ERICH6: variants seen among roughly 807,000 people sequenced by gnomAD.
ERICH6 encodes the protein glutamate-rich protein 6.
In ERICH6, 71 loss-of-function variants were observed where a neutral mutation model predicts 71.0. The ratio of observed to expected loss-of-function variants is 1.00; its 90% CI spans 0.83 to 1.22. ERICH6 has a LOEUF of 1.22. Among genes scored for constraint, ERICH6 ranks in the 50% most tolerant of loss-of-function variants. The pLI, the probability that ERICH6 is intolerant of heterozygous loss-of-function variation, is 0.00. For synonymous variants in ERICH6, 262 were observed against 278.4 expected (o/e 0.94, Z 0.59); for missense variants, 808 against 797.2 (o/e 1.01, Z -0.16).
Position 150,659,896 on chromosome 3 carries a change from A to G in ERICH6, c.1988T>C (p.Ile663Thr). Reference sequence around the variant, plus strand: ...TGAAAGCACCATCATTCTTAGTTAAATTTCTTCATTTATTATATTTCTTAT... The same window carrying G: ...TGAAAGCACCATCATTCTTAGTTAAGTTTCTTCATTTATTATATTTCTTAT... ...KTIRNIINEE[I>T] Residue 663 changes from isoleucine to threonine, a missense_variant, in exon 14 of 14, where the codon ATT becomes ACT. Physicochemically the swap from Ile to Thr is moderately conservative, Grantham distance 89. Transcript: ENST00000295910. The G allele has an allele frequency of 6.3e-7, 1 of 1,595,142 alleles. No homozygotes were observed. The highest frequency in any genetic ancestry group is 1.1e-5 in the South Asian group (1 of 87,568).
At chr3:150,698,555 A>C (rs1354296639) in intron 3 of ERICH6, among the ~76,000 whole-genome samples, 1 of 152,218 alleles carries the variant, frequency 6.6e-6, no homozygotes, top group Admixed American at 6.5e-5. Context: ...CCATTTATTG[A>C]ATACTGAAAA....
intron 3 of ERICH6, among the ~76,000 whole-genome samples, chr3:150,691,399 A>G (rs973390391): frequency 2.0e-4 from 31 of 152,206 alleles, no homozygotes; most frequent in African/African-American, 7.0e-4. Context: ...TCATGTATTA[A>G]ACGAGGTAAA....
chr3:150,692,918 C>A lies in ERICH6; in HGVS notation c.553+5873G>T, dbSNP rs551624000. Among the ~76,000 whole-genome samples, 360 of 152,154 alleles carry A rather than the reference C, an allele frequency of 2.4e-3. 2 individuals are homozygous for A. The highest frequency in any genetic ancestry group is 0.014 in the Middle Eastern group (4 of 292). ...CTATGACATCAGAATAGAGGAAAAG[C>A]TTTCAGGACTCATGGAGAGCTGAAA... On this transcript the variant is annotated intron_variant, in intron 3 of 13. Coordinates refer to ENST00000295910, the MANE Select transcript of ERICH6 (RefSeq NM_152394.5).
At chr3:150,669,226 T>C in intron 12 of ERICH6, 70 bp downstream of exon 12, 1 of 1,479,548 alleles carries the variant, frequency 6.8e-7, no homozygotes, top group East Asian at 2.4e-5. Context: ...TCTTATCATT[T>C]AAAAAGAAAA....
intron 3 of ERICH6, among the ~76,000 whole-genome samples, chr3:150,694,658 C>A (rs1295824282): frequency 6.6e-6 from 1 of 152,176 alleles, no homozygotes; most frequent in Non-Finnish European, 1.5e-5. Flanking sequence ...TGGAGGAAGG[C>A]AAAGACCATT....
Position 150,676,538 on chromosome 3 carries a change from T to A in ERICH6, c.1257+1871A>T, listed in dbSNP as rs1039542810. 4.6e-5 allele frequency among the ~76,000 whole-genome samples: 7 copies of A among 152,296 alleles called. No homozygotes were observed. In the East Asian group the frequency reaches 1.2e-3, roughly 25 times the overall value. ...CTGGTAACTGAACTTGAAAAATAAT[T>A]TGTAGGTGTGATTTGAAGGTGGAAT... On this transcript the variant is annotated intron_variant, in intron 10 of 13. Coordinates refer to ENST00000295910, the MANE Select transcript of ERICH6 (RefSeq NM_152394.5).
chr3:150,703,397 C>G (rs1713013470), intron 1 of ERICH6, 99 bp downstream of exon 1: 1 of 1,445,298 alleles, frequency 6.9e-7, no homozygotes, highest in Non-Finnish European at 9.1e-7. Flanking sequence ...AAATCAGGCA[C>G]GACGCGCAGG....
intron 6 of ERICH6, among the ~76,000 whole-genome samples, chr3:150,684,474 T>G (rs111799058): frequency 1.7e-3 from 257 of 152,312 alleles, no homozygotes; most frequent in African/African-American, 5.9e-3. Flanking sequence ...TTGCCTTGCA[T>G]GATTCGTGCC....
intron 3 of ERICH6, among the ~76,000 whole-genome samples, chr3:150,688,437 A>G (rs1712286274): frequency 6.6e-6 from 1 of 152,234 alleles, no homozygotes; most frequent in East Asian, 1.9e-4. Flanking sequence ...AATTAGGTCA[A>G]TCATTCCTGA....
chr3:150,660,083 T>C lies in ERICH6; in HGVS notation c.1801A>G (p.Ile601Val), dbSNP rs767414222. 6.2e-7 allele frequency: 1 copy of C among 1,614,088 alleles called. No homozygotes were observed. The highest frequency in any genetic ancestry group is 8.5e-7 in the Non-Finnish European group (1 of 1,180,010). Reference protein sequence around the residue: ...GDDLLLLASLIKIRRLFHKLE... With the variant: ...GDDLLLLASLVKIRRLFHKLE... ...TTATGAAACAGGCGACGGATCTTTA[T>C]TAAACTGGCCAGCAGAAGAAGGTCA... Residue 601 changes from isoleucine to valine, a missense_variant, in exon 14 of 14, where the codon ATA becomes GTA. Physicochemically the swap from Ile to Val is conservative, Grantham distance 29 (BLOSUM62 3). Transcript: ENST00000295910.
At chr3:150,678,902 G>T (rs375089774) in intron 9 of ERICH6, among the ~76,000 whole-genome samples, 2 of 151,892 alleles carry the variant, frequency 1.3e-5, no homozygotes, top group East Asian at 1.9e-4. Flanking sequence ...TTAACTGGGC[G>T]TGGTGGCGTG....
intron 4 of ERICH6, 53 bp downstream of exon 4, chr3:150,686,245 T>C (rs1712180415): frequency 6.3e-7 from 1 of 1,575,514 alleles, no homozygotes; most frequent in African/African-American, 1.3e-5. Flanking sequence ...GTGATTCCCT[T>C]CTGGTAGTTT....
At chr3:150,699,134 G>C (rs771636410) in intron 2 of ERICH6, among the ~76,000 whole-genome samples, 8 of 151,954 alleles carry the variant, frequency 5.3e-5, no homozygotes, top group Non-Finnish European at 1.0e-4. Context: ...AGCATGGTGA[G>C]ACCCTATCTC....
chr3:150,696,982 ATATC>A (rs1712678771), intron 3 of ERICH6, among the ~76,000 whole-genome samples: 1 of 152,234 alleles, frequency 6.6e-6, no homozygotes, highest in Non-Finnish European at 1.5e-5. Flanking sequence ...GTGGAAATAA[ATATC>A]TAGGAACAAT....
intron 9 of ERICH6, 95 bp from the exon 10 acceptor site, chr3:150,678,649 A>C: frequency 1.1e-6 from 1 of 947,866 alleles, no homozygotes. Flanking sequence ...ATATAAATGC[A>C]CTGATTCATA....
intron 3 of ERICH6, among the ~76,000 whole-genome samples, chr3:150,691,420 A>T (rs1712425267): frequency 6.6e-6 from 1 of 152,206 alleles, no homozygotes. Flanking sequence ...AGGAACCAGG[A>T]AATAAGAGAG....
In ERICH6 at chr3:150,702,158, T is replaced by C. The variant is rs779496714; in HGVS notation, c.424A>G (p.Thr142Ala). 6.3e-7 allele frequency: 1 copy of C among 1,581,336 alleles called. No homozygotes were observed. The highest frequency in any genetic ancestry group is 8.6e-7 in the Non-Finnish European group (1 of 1,159,454). The change falls in exon 2 of 14, where the codon ACA becomes GCA. Residue 142 changes from threonine (T) to alanine (A), a missense_variant. Around this residue, in one of 3 missense-constraint regions of ERICH6, gnomAD observed 736 missense variants for 712.2 expected, o/e 1.03. Coordinates refer to ENST00000295910, the MANE Select transcript of ERICH6 (RefSeq NM_152394.5). ...SHKSFPKIFQ[T>A]FRKDMSEMSI... The stretch of plus-strand genomic sequence containing the variant: ...ATTTCAGACATGTCTTTCCTAAATG[T>C]CTGAAATATTTTAGGGAAACCTGTT...
At chr3:150,702,269 ACTTT>A in intron 1 of ERICH6, 91 bp from the exon 2 acceptor site, 2 of 352,268 alleles carry the variant, frequency 5.7e-6, no homozygotes, top group East Asian at 5.5e-5. Context: ...ATGTCTGGAG[ACTTT>A]TTTTTTTTTT....
chr3:150,670,439 G>T (rs1229020835), intron 11 of ERICH6, among the ~76,000 whole-genome samples: 1 of 141,946 alleles, frequency 7.0e-6, no homozygotes, highest in Non-Finnish European at 1.5e-5. Flanking sequence ...CCAAGATCGT[G>T]CCACTGCACT....
Sources: gnomAD v4.1 joint callset for allele counts (sites outside exome capture counted in the v4.1 genomes callset) on GRCh38, gnomAD v4.1.1 for gene constraint, gnomAD v4.1.1 regional missense constraint, MANE v1.5 for transcripts, NCBI Gene and HGNC (gene_info 2026-07-23, HGNC 2026-07-21) for gene names.